The following RBFOX1 variants were observed in gnomAD, a reference collection of about 807,000 sequenced individuals.
RBFOX1 encodes the protein RNA binding fox-1 homolog 1.
A neutral mutation model predicts 57.7 loss-of-function variants in RBFOX1; 8 were observed. That is an observed-to-expected ratio of 0.14 (90% CI 0.08 to 0.25). The LOEUF (loss-of-function observed/expected upper bound fraction) is 0.25. Among genes scored for constraint, RBFOX1 ranks in the 10% least tolerant of loss-of-function variants. RBFOX1 has a pLI of 1.00. For missense variants in RBFOX1, 611 were observed against 548.5 expected, an observed-to-expected ratio of 1.11 and a Z score of -1.14; for synonymous variants, 326 against 222.4, an observed-to-expected ratio of 1.47 and a Z score of -4.15.
intron 4 of RBFOX1, among the ~76,000 whole-genome samples, chr16:7,138,902 G>A (rs1212842642): frequency 6.6e-5 from 10 of 152,184 alleles, no homozygotes; most frequent in East Asian, 1.9e-4. Context: ...TCCGCCTCCC[G>A]GGTTCAAGTA....
At chr16:7,701,836 C>G (rs1035096592) in intron 14 of RBFOX1, among the ~76,000 whole-genome samples, 28 of 152,188 alleles carry the variant, frequency 1.8e-4, no homozygotes, top group African/African-American at 6.8e-4. Flanking sequence ...TGAACAGGAA[C>G]ATTTCCTAGA....
chr16:7,602,869 C>G (rs1009194507), intron 9 of RBFOX1, among the ~76,000 whole-genome samples: 3 of 152,164 alleles, frequency 2.0e-5, no homozygotes, highest in African/African-American at 4.8e-5. Context: ...TTTAAAAAAT[C>G]TAAACTATAT....
At chr16:7,339,562 C>A (rs2096854245) in intron 4 of RBFOX1, among the ~76,000 whole-genome samples, 1 of 152,176 alleles carries the variant, frequency 6.6e-6, no homozygotes, top group Admixed American at 6.5e-5. Flanking sequence ...GCTTCAGCCT[C>A]CTGAGTATCT....
intron 3 of RBFOX1, among the ~76,000 whole-genome samples, chr16:6,869,550 A>C (rs553613611): frequency 3.4e-4 from 51 of 152,212 alleles, no homozygotes; most frequent in African/African-American, 1.2e-3. Context: ...TGTTCATAAA[A>C]GGAGATTAAC....
chr16:6,455,508 G>T (rs2094748622), intron 2 of RBFOX1, among the ~76,000 whole-genome samples: 2 of 152,168 alleles, frequency 1.3e-5, no homozygotes, highest in Non-Finnish European at 2.9e-5. Context: ...TAGAGGGCAG[G>T]AGTTCTATGA....
At chr16:7,668,199 T>A (rs938701044) in intron 13 of RBFOX1, among the ~76,000 whole-genome samples, 1 of 152,308 alleles carries the variant, frequency 6.6e-6, no homozygotes, top group South Asian at 2.1e-4. Flanking sequence ...TCAAGGTCTT[T>A]CCATGCCTAC....
intron 1 of RBFOX1, among the ~76,000 whole-genome samples, chr16:6,296,423 C>CT (rs1555611644): frequency 9.4e-4 from 135 of 144,218 alleles, no homozygotes; most frequent in Non-Finnish European, 9.6e-4. Context: ...AGGGGATGTA[C>CT]TTTTTTTTTT....
At chr16:6,496,530 G>C (rs919042335) in intron 2 of RBFOX1, among the ~76,000 whole-genome samples, 5 of 152,172 alleles carry the variant, frequency 3.3e-5, no homozygotes, top group African/African-American at 1.2e-4. Flanking sequence ...CCACTTGAAC[G>C]TATCAGTTTA....
At chr16:5,656,535 C>T (rs1471320823) in intron 3 of RBFOX1, among the ~76,000 whole-genome samples, 3 of 152,156 alleles carry the variant, frequency 2.0e-5, no homozygotes, top group Non-Finnish European at 2.9e-5. Context: ...GTGAAACCAT[C>T]ACCACATCTT....
At chr16:5,523,605 A>C (rs1380516590) in intron 2 of RBFOX1, among the ~76,000 whole-genome samples, 1 of 149,748 alleles carries the variant, frequency 6.7e-6, no homozygotes, top group African/African-American at 2.5e-5. Context: ...TGACAAAGTG[A>C]GACCCTGTCT....
At chr16:7,644,650 G>T (rs1237245785) in intron 11 of RBFOX1, among the ~76,000 whole-genome samples, 1 of 152,156 alleles carries the variant, frequency 6.6e-6, no homozygotes, top group Admixed American at 6.5e-5. Flanking sequence ...TGATCACCTT[G>T]TGCTCGGTCA....
intron 1 of RBFOX1, among the ~76,000 whole-genome samples, chr16:6,085,157 C>T (rs541637585): frequency 1.2e-4 from 19 of 152,248 alleles, no homozygotes; most frequent in Non-Finnish European, 2.1e-4. Flanking sequence ...GTTCTTCCTC[C>T]ACAACTTGCA....
At chr16:5,719,192 A>C (rs1478274794) in intron 3 of RBFOX1, among the ~76,000 whole-genome samples, 1 of 141,228 alleles carries the variant, frequency 7.1e-6, no homozygotes, top group African/African-American at 2.7e-5. Context: ...CCCATACTTC[A>C]TATTAGAATC....
At chr16:7,127,235 C>G (rs901164303) in intron 4 of RBFOX1, among the ~76,000 whole-genome samples, 21 of 152,216 alleles carry the variant, frequency 1.4e-4, no homozygotes, top group Middle Eastern at 3.4e-3. Flanking sequence ...TCAGCATTCT[C>G]CATACTTTCC....
chr16:5,535,219 C>T (rs993357377), intron 2 of RBFOX1, among the ~76,000 whole-genome samples: 6 of 152,158 alleles, frequency 3.9e-5, no homozygotes, highest in Admixed American at 6.5e-5. Context: ...TCAGTAGCCA[C>T]GTGTGGCTAG....
chr16:6,992,469 C>T (rs1465180068), intron 3 of RBFOX1, among the ~76,000 whole-genome samples: 2 of 152,116 alleles, frequency 1.3e-5, no homozygotes, highest in African/African-American at 2.4e-5. Context: ...CTGCCTTGGC[C>T]TCCCAAAGTG....
rs549021003 is a variant in RBFOX1, at chr16:6,838,687, C to G, written c.-16+184037C>G. 5.9e-5 allele frequency among the ~76,000 whole-genome samples: 9 copies of G among 152,290 alleles called. No individual in the cohort carries two copies. In the South Asian group the frequency reaches 1.9e-3, roughly 32 times the overall value. On this transcript the variant is annotated intron_variant, in intron 3 of 15. Transcript: ENST00000550418. ...TATTGGGCAAAGCCGATAACCTTCC[C>G]ATGCTAATCCCCAGTCTGGGGGCTT...
intron 1 of RBFOX1, among the ~76,000 whole-genome samples, chr16:5,310,284 C>A (rs1596478161): frequency 6.6e-6 from 1 of 152,236 alleles, no homozygotes; most frequent in Non-Finnish European, 1.5e-5. Context: ...CACCTGTAGT[C>A]CCAGATACTC....
At chr16:6,507,568 G>T (rs1208961581) in intron 2 of RBFOX1, among the ~76,000 whole-genome samples, 1 of 147,944 alleles carries the variant, frequency 6.8e-6, no homozygotes, top group African/African-American at 2.5e-5. Flanking sequence ...GCTACCCCCA[G>T]GCTGAGGTGG....
Sources: allele counts gnomAD v4.1 joint callset (sites outside exome capture counted in the v4.1 genomes callset), GRCh38; gene constraint gnomAD v4.1.1; transcripts MANE v1.5; gene names NCBI Gene and HGNC (gene_info 2026-07-23, HGNC 2026-07-21).